Variants in ADAMTS19 observed in about 807,000 individuals in gnomAD.
ADAMTS19 encodes A disintegrin and metalloproteinase with thrombospondin motifs 19.
In ADAMTS19, 93 loss-of-function variants were observed where a neutral mutation model predicts 153.3. The observed-to-expected ratio is 0.61, with a 90% CI of 0.51 to 0.72. The LOEUF (loss-of-function observed/expected upper bound fraction) is 0.72. Among genes scored for constraint, ADAMTS19 ranks in the 30% least tolerant of loss-of-function variants. The probability of loss-of-function intolerance (pLI) is 0.00; values close to 1 mark genes in which losing one functional copy is unlikely to be tolerated. For missense variants in ADAMTS19, 1,482 were observed against 1,552.1 expected (o/e 0.95, Z 0.76); for synonymous variants, 600 against 556.6 (o/e 1.08, Z -1.10).
At chr5:129,663,867 T>A (rs1317179312) in intron 15 of ADAMTS19, among the ~76,000 whole-genome samples, 1 of 152,202 alleles carries the variant, frequency 6.6e-6, no homozygotes, top group African/African-American at 2.4e-5. Context: ...TCTCATTCCA[T>A]CTGAATTATT....
chr5:129,553,483 G>T (rs1050407121), intron 7 of ADAMTS19, among the ~76,000 whole-genome samples: 3 of 152,158 alleles, frequency 2.0e-5, no homozygotes, highest in Admixed American at 1.3e-4. Context: ...GAGTATGTAA[G>T]ATTTGGCAGG....
In ADAMTS19 at chr5:129,735,084, A is replaced by C. The variant is rs750896593; in HGVS notation, c.3465A>C (p.Val1155=). 2 of 1,602,440 alleles carry C rather than the reference A, an allele frequency of 1.2e-6. No individual in the cohort carries two copies. Among genetic ancestry groups the C allele is most frequent in the South Asian group, 2.3e-5 (2 of 88,410 alleles). ...HLQPCNEKIN[V]NTITSPRLAA... is the part of the protein sequence containing the mutation. ...AACCCTGCAATGAGAAAATTAATGTAAATACCATAACATCACCCAGACTGG... is the reference window on the plus strand; with the variant it reads ...AACCCTGCAATGAGAAAATTAATGTCAATACCATAACATCACCCAGACTGG... The change falls in exon 22 of 23, where the codon GTA becomes GTC. Residue 1155 remains valine (V), a synonymous_variant. Transcript: ENST00000274487.
At chr5:129,702,941 A>AAAAAAAAAAAAAAAT in intron 20 of ADAMTS19, among the ~76,000 whole-genome samples, 6 of 29,308 alleles carry the variant, frequency 2.0e-4, no homozygotes, top group African/African-American at 5.1e-4. Context: ...AAAAAAAAAA[A>AAAAAAAAAAAAAAAT]ATATATATAT....
intron 7 of ADAMTS19, among the ~76,000 whole-genome samples, chr5:129,559,509 T>C (rs991699570): frequency 6.6e-6 from 1 of 152,096 alleles, no homozygotes; most frequent in Admixed American, 6.6e-5. Flanking sequence ...CATTATAAAG[T>C]GATGGCAAGT....
At chr5:129,591,126 G>A (rs1307855377) in intron 7 of ADAMTS19, among the ~76,000 whole-genome samples, 1 of 151,988 alleles carries the variant, frequency 6.6e-6, no homozygotes, top group Non-Finnish European at 1.5e-5. Flanking sequence ...CCTTTCCCTG[G>A]CTAACCCCTG....
chr5:129,701,564 C>T lies in ADAMTS19; in HGVS notation c.3131C>T (p.Thr1044Ile). Residue 1044 changes from threonine (T) to isoleucine (I), a missense_variant, in exon 20 of 23, where the codon ACC becomes ATC. Around this residue, in one of 2 missense-constraint regions of ADAMTS19, gnomAD observed 616 missense variants for 724.4 expected, o/e 0.85. Coordinates refer to ENST00000274487, the MANE Select transcript of ADAMTS19 (RefSeq NM_133638.6). ...AQRCEGQDCM[T>I]VWEAGVWSEC... ...CGCTGTGAGGGCCAGGACTGCATGACCGTGTGGGAGGCGGGAGTGTGGTCT... is the reference window on the plus strand; with the variant it reads ...CGCTGTGAGGGCCAGGACTGCATGATCGTGTGGGAGGCGGGAGTGTGGTCT... 6.8e-6 allele frequency: 11 copies of T among 1,614,168 alleles called. No homozygotes were observed. Among genetic ancestry groups the T allele is most frequent in the Non-Finnish European group, 9.3e-6 (11 of 1,180,030 alleles).
rs530230133 is a variant in ADAMTS19 at position 129,566,439 on chromosome 5, C to T, written c.1372+14532C>T. On this transcript the variant is annotated intron_variant, in intron 7 of 22. Coordinates refer to ENST00000274487, the MANE Select transcript of ADAMTS19 (RefSeq NM_133638.6). The stretch of plus-strand genomic sequence containing the variant: ...TCTCCCATTGAATGCACCTATAAAA[C>T]TTGAGAGAATGGAACACCTGTTTGA... 2.0e-5 allele frequency among the ~76,000 whole-genome samples: 3 copies of T among 152,264 alleles called. No individual in the cohort carries two copies. In the East Asian group the frequency reaches 5.8e-4, roughly 29 times the overall value.
chr5:129,478,136 T>G (rs1273293030), intron 2 of ADAMTS19, among the ~76,000 whole-genome samples: 1 of 152,202 alleles, frequency 6.6e-6, no homozygotes, highest in Non-Finnish European at 1.5e-5. Context: ...GGTTACATAC[T>G]TTGTAGAAAA....
At position 129,643,382 on chromosome 5, in the gene ADAMTS19, A is replaced by AG. The variant is rs1554101888; in HGVS notation, c.1872+1422_1872+1423insG. On this transcript the variant is annotated intron_variant, in intron 11 of 22. Coordinates refer to ENST00000274487, the MANE Select transcript of ADAMTS19 (RefSeq NM_133638.6). Reference sequence around the variant, plus strand: ...GTTTCAAAGACAAAAAAAAAAAAAAAAAAAGAAAAAAAAAAGAAAATATAA... The same window carrying AG: ...GTTTCAAAGACAAAAAAAAAAAAAAAGAAAAGAAAAAAAAAAGAAAATATAA... Among the ~76,000 whole-genome samples, 753 of 142,762 alleles carry AG rather than the reference A, an allele frequency of 5.3e-3. 17 individuals carry two copies. The highest frequency in any genetic ancestry group is 0.014 in the African/African-American group (519 of 38,336). 93.7% of individuals were successfully genotyped at this position (142,762 alleles called of 152,430 possible). A position where few individuals can be genotyped will look rare whatever the true frequency, so the allele number is the denominator to read the frequency against.
intron 6 of ADAMTS19, among the ~76,000 whole-genome samples, chr5:129,542,730 T>C (rs908674654): frequency 1.3e-5 from 2 of 152,182 alleles, no homozygotes; most frequent in African/African-American, 4.8e-5. Context: ...TTCAGAAAGA[T>C]ATATATATTT....
intron 7 of ADAMTS19, among the ~76,000 whole-genome samples, chr5:129,584,859 T>A (rs1026581690): frequency 2.0e-5 from 3 of 152,212 alleles, no homozygotes; most frequent in Non-Finnish European, 2.9e-5. Flanking sequence ...TCTGCTGAGC[T>A]AGACCATTTG....
At chr5:129,482,106 A>C (rs116282664) in intron 2 of ADAMTS19, among the ~76,000 whole-genome samples, 1,610 of 152,256 alleles carry the variant, frequency 0.011, 24 homozygotes, top group African/African-American at 0.037. Flanking sequence ...AATTATAGGA[A>C]ATTTTGATGA....
chr5:129,577,276 T>A (rs191057307), intron 7 of ADAMTS19, among the ~76,000 whole-genome samples: 21 of 152,178 alleles, frequency 1.4e-4, no homozygotes, highest in Non-Finnish European at 2.5e-4. Flanking sequence ...CCTAAATATT[T>A]TTCAGGTTCC....
chr5:129,628,291 G>T (rs1752144359), intron 10 of ADAMTS19, among the ~76,000 whole-genome samples: 1 of 151,804 alleles, frequency 6.6e-6, no homozygotes, highest in African/African-American at 2.4e-5. Flanking sequence ...ATAGACACTG[G>T]GGCCTACTGA....
At chr5:129,543,777 C>A (rs553668597) in intron 6 of ADAMTS19, among the ~76,000 whole-genome samples, 2 of 152,240 alleles carry the variant, frequency 1.3e-5, no homozygotes, top group South Asian at 4.1e-4. Context: ...GAGAAGTGTT[C>A]TCAGCTAAGA....
chr5:129,727,374 A>G (rs973110004), intron 21 of ADAMTS19, among the ~76,000 whole-genome samples: 1 of 152,194 alleles, frequency 6.6e-6, no homozygotes, highest in Non-Finnish European at 1.5e-5. Flanking sequence ...CCTTAGAGCA[A>G]AAGTTTACCT....
intron 6 of ADAMTS19, among the ~76,000 whole-genome samples, chr5:129,541,731 A>G (rs985859281): frequency 5.6e-4 from 85 of 152,122 alleles, no homozygotes; most frequent in African/African-American, 1.7e-3. Context: ...CCCCTTATTT[A>G]GTACATGGCA....
intron 11 of ADAMTS19, among the ~76,000 whole-genome samples, chr5:129,643,340 C>T (rs895124184): frequency 2.4e-5 from 3 of 124,360 alleles, no homozygotes; most frequent in African/African-American, 6.4e-5. Context: ...CCAGCCTGGG[C>T]GACAGAGCCA....
At chr5:129,643,841 T>G (rs1262584692) in intron 11 of ADAMTS19, among the ~76,000 whole-genome samples, 2 of 152,172 alleles carry the variant, frequency 1.3e-5, no homozygotes, top group East Asian at 3.9e-4. Flanking sequence ...AGTCTCCTGA[T>G]ATTGTGCTAA....
Sources: allele counts gnomAD v4.1 joint callset (sites outside exome capture counted in the v4.1 genomes callset), GRCh38; gene constraint gnomAD v4.1.1; regional missense constraint gnomAD v4.1.1; transcripts MANE v1.5; gene names NCBI Gene and HGNC (gene_info 2026-07-23, HGNC 2026-07-21).